The following TWIST2 variants were observed in gnomAD, a reference collection of about 807,000 sequenced individuals.
TWIST2 encodes twist-related protein 2.
In TWIST2, 1 loss-of-function variant was observed where a neutral mutation model predicts 11.6. That is an observed-to-expected ratio of 0.09 (90% CI 0.03 to 0.41). TWIST2 has a LOEUF of 0.41. Ranked by LOEUF, TWIST2 falls within the 10% of genes least tolerant of loss-of-function variation. TWIST2 has a pLI of 0.98. For missense variants in TWIST2, 168 were observed against 226.4 expected (o/e 0.74, Z 1.66); for synonymous variants, 87 against 96.6 (o/e 0.90, Z 0.58).
At chr2:238,902,730 GTAGTGTGTGTGAT>G (rs1693287599) in intron 1 of TWIST2, among the ~76,000 whole-genome samples, 2 of 113,474 alleles carry the variant, frequency 1.8e-5, no homozygotes, top group African/African-American at 7.4e-5. Flanking sequence ...TGTGTGTGAT[GTAGTGTGTGTGAT>G]GGGTGTGATG....
chr2:238,878,928 G>T (rs1488808694), intron 1 of TWIST2, among the ~76,000 whole-genome samples: 1 of 152,168 alleles, frequency 6.6e-6, no homozygotes, highest in Non-Finnish European at 1.5e-5. Context: ...TAAGAACTCA[G>T]ATAATTAAAC....
chr2:238,889,645 C>A (rs1693097581), intron 1 of TWIST2, among the ~76,000 whole-genome samples: 1 of 152,172 alleles, frequency 6.6e-6, no homozygotes, highest in African/African-American at 2.4e-5. Context: ...TCATAGTTAC[C>A]TGAGTTATCT....
chr2:238,903,052 ATGTG>A (rs1300465454), intron 1 of TWIST2, among the ~76,000 whole-genome samples: 1 of 83,946 alleles, frequency 1.2e-5, no homozygotes, highest in African/African-American at 4.8e-5. Context: ...GGTGTGTGTG[ATGTG>A]TGTGTGATGT....
chr2:238,863,171 C>T lies in TWIST2; in HGVS notation c.*35+14438C>T, dbSNP rs1485474012. Among the ~76,000 whole-genome samples the T allele has an allele frequency of 6.6e-6, 1 of 152,018 alleles. No individual in the cohort carries two copies. The highest frequency in any genetic ancestry group is 1.5e-5 in the Non-Finnish European group (1 of 68,010). ...AGGCACATGCTGACCGACCCTCCCT[C>T]CAGAGAAGGGCAACTACTCCCAGTC... On this transcript the variant is annotated intron_variant, in intron 1 of 1. Transcript: ENST00000612363. The surrounding 1 kb of genome is among the most constrained non-coding windows in gnomAD (Gnocchi z 4.7).
chr2:238,861,311 C>T (rs1367256045), intron 1 of TWIST2, among the ~76,000 whole-genome samples: 4 of 152,188 alleles, frequency 2.6e-5, no homozygotes, highest in Non-Finnish European at 5.9e-5. Context: ...ACTTGCTTTT[C>T]CTGGGGGATG....
At chr2:238,896,563 A>G (rs1464174266) in intron 1 of TWIST2, among the ~76,000 whole-genome samples, 2 of 152,188 alleles carry the variant, frequency 1.3e-5, no homozygotes, top group East Asian at 3.9e-4. Flanking sequence ...CCTGAGCCAC[A>G]TGTCTCAAAA....
chr2:238,848,286 G>A lies in TWIST2; in HGVS notation c.71G>A (p.Arg24Lys), dbSNP rs1441726141. The A allele has an allele frequency of 2.4e-5, 36 of 1,531,034 alleles. No homozygotes were observed. The highest frequency in any genetic ancestry group is 3.0e-5 in the Non-Finnish European group (34 of 1,143,662). 94.8% of individuals were successfully genotyped at this position (1,531,034 alleles called of 1,614,324 possible). The change falls in exon 1 of 2, where the codon AGG becomes AAG. Residue 24 changes from arginine to lysine, a missense_variant. By Grantham distance (26) the Arg-to-Lys change is conservative. Coordinates refer to ENST00000612363, the MANE Select transcript of TWIST2 (RefSeq NM_001271893.4). ...GGCACCAGCGAGGAGGAGCTCGAGAGGCAGCCCAAGCGCTTCGGCCGGAAG... is the reference window on the plus strand; with the variant it reads ...GGCACCAGCGAGGAGGAGCTCGAGAAGCAGCCCAAGCGCTTCGGCCGGAAG... ...SLGTSEEELE[R>K]QPKRFGRKRR...
chr2:238,849,903 C>A (rs1692214721), intron 1 of TWIST2, among the ~76,000 whole-genome samples: 1 of 152,206 alleles, frequency 6.6e-6, no homozygotes, highest in African/African-American at 2.4e-5. Context: ...AAAATCCTTC[C>A]CCCTTAGTAT....
intron 1 of TWIST2, among the ~76,000 whole-genome samples, chr2:238,850,597 T>G (rs1692224874): frequency 1.3e-5 from 2 of 152,312 alleles, no homozygotes; most frequent in Non-Finnish European, 2.9e-5. Flanking sequence ...TAAAATTCAT[T>G]TAAAAATAAT....
At chr2:238,898,136 C>T (rs1029237394) in intron 1 of TWIST2, among the ~76,000 whole-genome samples, 13 of 152,306 alleles carry the variant, frequency 8.5e-5, no homozygotes, top group African/African-American at 2.6e-4. Context: ...TCTCAGGGCC[C>T]GGGTGCTGGG....
intron 1 of TWIST2, among the ~76,000 whole-genome samples, chr2:238,895,834 G>A (rs2106371141): frequency 6.6e-6 from 1 of 152,272 alleles, no homozygotes; most frequent in Admixed American, 6.5e-5. Flanking sequence ...GCTCCAAGCA[G>A]GAAGGAGCCG....
intron 1 of TWIST2, among the ~76,000 whole-genome samples, chr2:238,854,941 CT>C (rs2106349293): frequency 6.6e-6 from 1 of 152,340 alleles, no homozygotes; most frequent in Non-Finnish European, 1.5e-5. Context: ...GTACCGTTTC[CT>C]TTCCTTCATC....
chr2:238,881,286 TTAA>T (rs1428881561), intron 1 of TWIST2, among the ~76,000 whole-genome samples: 9 of 145,892 alleles, frequency 6.2e-5, no homozygotes, highest in Non-Finnish European at 9.0e-5. Flanking sequence ...AGCATTAGTA[TTAA>T]TGTTAGTATC....
At chr2:238,896,484 T>C (rs1369526293) in intron 1 of TWIST2, among the ~76,000 whole-genome samples, 1 of 151,990 alleles carries the variant, frequency 6.6e-6, no homozygotes, top group African/African-American at 2.4e-5. Context: ...CACAGAAACG[T>C]GGGGTGGGGT....
At chr2:238,898,133 G>T (rs1212642402) in intron 1 of TWIST2, among the ~76,000 whole-genome samples, 1 of 152,212 alleles carries the variant, frequency 6.6e-6, no homozygotes, top group East Asian at 1.9e-4. Flanking sequence ...CGGTCTCAGG[G>T]CCCGGGTGCT....
intron 1 of TWIST2, among the ~76,000 whole-genome samples, chr2:238,883,530 G>A (rs551156747): frequency 1.7e-4 from 26 of 152,352 alleles, no homozygotes; most frequent in African/African-American, 4.6e-4. Context: ...AGAGCGAGGC[G>A]GAGATGGCCC....
chr2:238,897,641 C>T (rs1271368181), intron 1 of TWIST2, among the ~76,000 whole-genome samples: 1 of 152,222 alleles, frequency 6.6e-6, no homozygotes, highest in Non-Finnish European at 1.5e-5. Context: ...TGGAAGGAGG[C>T]ATCACACTCT....
chr2:238,873,636 G>A (rs1258700844), intron 1 of TWIST2, among the ~76,000 whole-genome samples: 1 of 152,186 alleles, frequency 6.6e-6, no homozygotes, highest in Non-Finnish European at 1.5e-5. Context: ...ACAACGGGCA[G>A]GTGGGTCCGA....
chr2:238,903,203 G>A (rs1693299565), intron 1 of TWIST2, among the ~76,000 whole-genome samples: 1 of 125,560 alleles, frequency 8.0e-6, no homozygotes, highest in African/African-American at 3.0e-5. Context: ...GTGATGTGGG[G>A]TATGTGATGT....
Sources: allele counts gnomAD v4.1 joint callset (sites outside exome capture counted in the v4.1 genomes callset), GRCh38; gene constraint gnomAD v4.1.1; non-coding constraint Gnocchi (gnomAD v3.1); transcripts MANE v1.5; gene names NCBI Gene and HGNC (gene_info 2026-07-23, HGNC 2026-07-21).